The following PAPPA variants were observed in gnomAD, a reference collection of about 807,000 sequenced individuals.
The protein encoded by PAPPA is pappalysin 1.
Under a neutral mutation model 164.0 loss-of-function variants are expected in PAPPA, and 60 were observed. The ratio of observed to expected loss-of-function variants is 0.37; its 90% CI spans 0.30 to 0.45. The LOEUF is 0.45. Among genes scored for constraint, PAPPA ranks in the 20% least tolerant of loss-of-function variants. PAPPA has a pLI of 1.00. For missense variants in PAPPA, 1,782 were observed against 2,087.3 expected, an observed-to-expected ratio of 0.85 and a Z score of 2.85; for synonymous variants, 875 against 814.1, an observed-to-expected ratio of 1.07 and a Z score of -1.27.
intron 15 of PAPPA, among the ~76,000 whole-genome samples, chr9:116,348,560 C>A (rs1846241815): frequency 6.6e-6 from 1 of 152,026 alleles, no homozygotes; most frequent in Non-Finnish European, 1.5e-5. Context: ...AAATTTGTGT[C>A]ATGGAGGTTC....
intron 6 of PAPPA, among the ~76,000 whole-genome samples, chr9:116,228,323 C>T (rs932670345): frequency 1.3e-5 from 2 of 152,160 alleles, no homozygotes; most frequent in Non-Finnish European, 2.9e-5. Flanking sequence ...GGGATGTACA[C>T]ATAGACCCTG....
intron 10 of PAPPA, among the ~76,000 whole-genome samples, chr9:116,309,131 G>A (rs549144363): frequency 6.6e-6 from 1 of 151,120 alleles, no homozygotes; most frequent in East Asian, 1.9e-4. Context: ...GCTGAAGTGC[G>A]GTGGCACAAT....
chr9:116,214,227 C>G (rs1365197404), intron 4 of PAPPA, among the ~76,000 whole-genome samples: 1 of 152,132 alleles, frequency 6.6e-6, no homozygotes, highest in East Asian at 1.9e-4. Flanking sequence ...TAATTTAAAT[C>G]AGAATAGCCA....
chr9:116,335,203 C>G (rs575540287), intron 13 of PAPPA, 129 bp downstream of exon 13: 126 of 737,574 alleles, frequency 1.7e-4, no homozygotes, highest in Admixed American at 1.2e-3. Flanking sequence ...CATCCATCCT[C>G]TGGCCTCTGG....
chr9:116,395,291 G>A (rs1377133153), intron 21 of PAPPA, among the ~76,000 whole-genome samples: 3 of 152,146 alleles, frequency 2.0e-5, no homozygotes, highest in Admixed American at 2.0e-4. Context: ...GGTTGGGAGG[G>A]AGGGAAAGAG....
chr9:116,226,009 CA>C (rs3838262), intron 5 of PAPPA, among the ~76,000 whole-genome samples: 69,850 of 151,280 alleles, frequency 0.46, 16,698 homozygotes, highest in East Asian at 0.73. Flanking sequence ...TCCTGCATGT[CA>C]AAAAAAGTTT....
chr9:116,360,946 C>T (rs1462593320), intron 17 of PAPPA, among the ~76,000 whole-genome samples: 1 of 152,100 alleles, frequency 6.6e-6, no homozygotes, highest in Admixed American at 6.5e-5. Flanking sequence ...GGCAGGAGAG[C>T]AGGATGGGTT....
intron 12 of PAPPA, among the ~76,000 whole-genome samples, chr9:116,333,913 G>A (rs1001177010): frequency 4.6e-5 from 7 of 152,074 alleles, no homozygotes; most frequent in African/African-American, 1.7e-4. Context: ...CATTCTCCGA[G>A]GCAGCTTCAC....
At chr9:116,213,300 C>T (rs1844331552) in intron 4 of PAPPA, among the ~76,000 whole-genome samples, 2 of 152,188 alleles carry the variant, frequency 1.3e-5, no homozygotes, top group African/African-American at 2.4e-5. Context: ...TCTGCTTGTC[C>T]ATTTGGGCTG....
At chr9:116,389,470 A>G (rs753957184) in intron 21 of PAPPA, among the ~76,000 whole-genome samples, 2 of 152,150 alleles carry the variant, frequency 1.3e-5, no homozygotes, top group Non-Finnish European at 2.9e-5. Flanking sequence ...AGTTTTCCCA[A>G]TGCCTACAAA....
Position 116,352,788 on chromosome 9 carries a change from A to G in PAPPA, c.4047A>G (p.Pro1349=), listed in dbSNP as rs771516424. The G allele has an allele frequency of 6.2e-6, 10 of 1,613,464 alleles. No individual in the cohort carries two copies. The Admixed American group carries it at 1.0e-4, about 16-fold the overall frequency. The part of the protein sequence containing the change: ...EALCELMCLA[P]PPVPNADLQT... The stretch of plus-strand genomic sequence containing the variant: ...TGTGTGAGCTCATGTGCCTCGCTCC[A>G]CCCCCTGTGCCCAATGCAGACCTCC... The change falls in exon 16 of 22, where the codon CCA becomes CCG. Residue 1349 remains proline, a synonymous_variant. Coordinates refer to ENST00000328252, the MANE Select transcript of PAPPA (RefSeq NM_002581.5).
At chr9:116,156,707 G>C (rs1218079349) in intron 1 of PAPPA, among the ~76,000 whole-genome samples, 1 of 152,172 alleles carries the variant, frequency 6.6e-6, no homozygotes, top group Non-Finnish European at 1.5e-5. Flanking sequence ...TTGGCGGCGT[G>C]TAAACACCTG....
Position 116,396,828 on chromosome 9 carries a change from C to G in PAPPA, c.*212C>G. ...CTGGATGATGAAATGGATTCCCATC[C>G]CAAAGTCTGAGATGGATTGCATATA... On this transcript the variant is annotated 3_prime_UTR_variant, in exon 22 of 22. Coordinates refer to ENST00000328252, the MANE Select transcript of PAPPA (RefSeq NM_002581.5). The G allele has an allele frequency of 1.7e-6, 1 of 579,792 alleles. No individual in the cohort carries two copies. Among genetic ancestry groups the G allele is most frequent in the South Asian group, 2.1e-5 (1 of 47,206 alleles). The allele number at this position is 579,792 out of a possible 1,614,324, so 35.9% of individuals were successfully genotyped here.
chr9:116,335,703 A>T (rs887647060), intron 13 of PAPPA, among the ~76,000 whole-genome samples: 5 of 152,214 alleles, frequency 3.3e-5, no homozygotes, highest in Non-Finnish European at 7.3e-5. Flanking sequence ...CCTGAAAAGA[A>T]TACGAGCTTT....
In PAPPA at chr9:116,220,055, C is replaced by T. The variant is rs369010416; in HGVS notation, c.2037C>T (p.Pro679=). The change falls in exon 5 of 22, where the codon CCC becomes CCT. Residue 679 remains proline (P), a synonymous_variant. Transcript: ENST00000328252. The part of the protein sequence containing the change: ...SRKPAPVALA[P]QVLGHTTDSV... ...AACCAGCGCCTGTTGCCCTCGCCCC[C>T]CAAGTTCTGGGCCACACAACGGACT... 7 of 1,614,162 alleles carry T rather than the reference C, an allele frequency of 4.3e-6. No individual in the cohort carries two copies. The highest frequency in any genetic ancestry group is 5.9e-6 in the Non-Finnish European group (7 of 1,180,034).
At chr9:116,352,058 C>T (rs1846289054) in intron 15 of PAPPA, among the ~76,000 whole-genome samples, 1 of 152,210 alleles carries the variant, frequency 6.6e-6, no homozygotes, top group South Asian at 2.1e-4. Flanking sequence ...ACCAGCTTCC[C>T]AATGGCAGTC....
intron 2 of PAPPA, among the ~76,000 whole-genome samples, chr9:116,195,495 T>C (rs1317550859): frequency 1.3e-5 from 2 of 152,206 alleles, no homozygotes; most frequent in African/African-American, 4.8e-5. Flanking sequence ...AGTCAAGTCA[T>C]TTAACAGTTC....
intron 7 of PAPPA, among the ~76,000 whole-genome samples, chr9:116,253,053 A>AT (rs1049370458): frequency 2.0e-5 from 3 of 152,224 alleles, no homozygotes; most frequent in Non-Finnish European, 4.4e-5. Flanking sequence ...AGCACTTAAC[A>AT]TACACCAAGG....
intron 19 of PAPPA, among the ~76,000 whole-genome samples, chr9:116,374,866 T>C (rs955682211): frequency 6.6e-6 from 1 of 152,232 alleles, no homozygotes; most frequent in African/African-American, 2.4e-5. Flanking sequence ...CCCAGCCCCA[T>C]GGCTGGGAGG....
Sources: allele counts gnomAD v4.1 joint callset (sites outside exome capture counted in the v4.1 genomes callset), GRCh38; gene constraint gnomAD v4.1.1; transcripts MANE v1.5; gene names NCBI Gene and HGNC (gene_info 2026-07-23, HGNC 2026-07-21).